Variants in ZFR2 observed in about 807,000 individuals in gnomAD.
ZFR2 encodes zinc finger RNA-binding protein 2.
ZFR2 carries 104 observed loss-of-function variants against 105.7 expected under a neutral mutation model. The observed-to-expected ratio is 0.98, with a 90% CI of 0.84 to 1.16. ZFR2 has a LOEUF of 1.16. ZFR2 is among the 50% of genes most tolerant of loss of function. The probability of loss-of-function intolerance (pLI) is 0.00; values close to 1 mark genes in which losing one functional copy is unlikely to be tolerated. For synonymous variants in ZFR2, 634 were observed against 597.7 expected, an observed-to-expected ratio of 1.06 and a Z score of -0.89; for missense variants, 1,425 against 1,355.5, an observed-to-expected ratio of 1.05 and a Z score of -0.80.
chr19:3,825,365 G>A lies in ZFR2; in HGVS notation c.1078C>T (p.Leu360Phe), dbSNP rs1451580893. Residue 360 changes from leucine to phenylalanine, a missense_variant, in exon 7 of 19, where the codon CTC (leucine) becomes TTC (phenylalanine). By Grantham distance (22) the Leu-to-Phe change is conservative. Transcript: ENST00000262961. Reference protein sequence around the residue: ...HAKLGKPIPTLEPALATESPP... With the variant: ...HAKLGKPIPTFEPALATESPP... ...CTCTCTGTGGCCAGTGCAGGCTCGA[G>A]GGTGGGAATGGGCTTCCCCAGTTTG... The A allele has an allele frequency of 6.3e-7, 1 of 1,590,006 alleles. No homozygotes were observed. Among genetic ancestry groups the A allele is most frequent in the East Asian group, 2.3e-5 (1 of 43,710 alleles).
At chr19:3,821,989 C>CA in intron 9 of ZFR2, 92 bp downstream of exon 9, 1 of 1,475,010 alleles carries the variant, frequency 6.8e-7, no homozygotes, top group Non-Finnish European at 9.0e-7. Flanking sequence ...TCGGATCACA[C>CA]GCGCGGAAGA....
chr19:3,863,807 TG>T (rs1294906255), intron 1 of ZFR2, among the ~76,000 whole-genome samples: 2 of 152,186 alleles, frequency 1.3e-5, no homozygotes, highest in African/African-American at 4.8e-5. Flanking sequence ...GGCACTGGCC[TG>T]GGCCCATTCC....
chr19:3,842,858 C>A (rs760971070), intron 1 of ZFR2, among the ~76,000 whole-genome samples: 1 of 152,118 alleles, frequency 6.6e-6, no homozygotes, highest in Non-Finnish European at 1.5e-5. Flanking sequence ...CTCCTGACTG[C>A]AGGTGCTCCA....
intron 8 of ZFR2, among the ~76,000 whole-genome samples, chr19:3,822,982 G>A (rs760196005): frequency 7.2e-5 from 11 of 152,194 alleles, no homozygotes; most frequent in South Asian, 2.1e-4. Flanking sequence ...AGACGGCTCC[G>A]CAGGGTCCCC....
chr19:3,821,604 CTTTTTTTT>C (rs56275505), intron 9 of ZFR2, 125 bp from the exon 10 acceptor site: 25,085 of 246,470 alleles, frequency 0.1, 14 homozygotes, highest in East Asian at 0.16. Flanking sequence ...CTCCCAAAGC[CTTTTTTTT>C]TTTTTTTTTT....
chr19:3,831,874 G>A lies in ZFR2; in HGVS notation c.384C>T (p.Thr128=), dbSNP rs753953696. ...GGCTGGGCTGCCCGCAGGCTTCTTG[G>A]GTCCCTAGGGGACAGGGACAGGCCC... ...MTAADSGQPG[T]QEACGQPSPH... is the part of the protein sequence containing the mutation. The change falls in exon 4 of 19, where the codon ACC becomes ACT. Residue 128 remains threonine, a synonymous_variant. Transcript: ENST00000262961. The A allele has an allele frequency of 3.8e-5, 60 of 1,568,656 alleles. 1 individual carries two copies. The South Asian group carries it at 6.6e-4, about 17-fold the overall frequency.
At chr19:3,810,459 G>A (rs1053188168) in intron 16 of ZFR2, among the ~76,000 whole-genome samples, 3 of 152,222 alleles carry the variant, frequency 2.0e-5, no homozygotes, top group Admixed American at 6.5e-5. Flanking sequence ...CCTCTGCCTG[G>A]GCCCCTCTGC....
At chr19:3,821,225 C>T in intron 10 of ZFR2, 115 bp downstream of exon 10, 3 of 1,363,626 alleles carry the variant, frequency 2.2e-6, no homozygotes, top group Non-Finnish European at 2.9e-6. Context: ...TCTCCCCCCA[C>T]TGCTCGAGAG....
chr19:3,821,298 C>T, intron 10 of ZFR2, 42 bp downstream of exon 10: 1 of 1,524,182 alleles, frequency 6.6e-7, no homozygotes. Context: ...TGGACCTGCC[C>T]TCCCTCACCA....
At position 3,838,842 on chromosome 19, in the gene ZFR2, G is replaced by C. The variant is rs902195337; in HGVS notation, c.54-3859C>G. On this transcript the variant is annotated intron_variant, in intron 1 of 18. Transcript: ENST00000262961. The surrounding 1 kb of genome is among the most constrained non-coding windows in gnomAD (Gnocchi z 4.9). The stretch of plus-strand genomic sequence containing the variant: ...CACAGGCCGTCTCCTCCCTGGTCCC[G>C]ATGCCCTGAGATGCAGGACCAGCTG... 6.6e-6 allele frequency among the ~76,000 whole-genome samples: 1 copy of C among 152,104 alleles called. No homozygotes were observed. The highest frequency in any genetic ancestry group is 2.4e-5 in the African/African-American group (1 of 41,418).
rs375579728 is a variant in ZFR2 at position 3,821,333 on chromosome 19, C to A, written c.1631+7G>T. Reference sequence around the variant, plus strand: ...AGGCCCCCTTGCCAAGACCCGCAGCCGGGCACCTCCTCTCCGCGTGCCAGC... The same window carrying A: ...AGGCCCCCTTGCCAAGACCCGCAGCAGGGCACCTCCTCTCCGCGTGCCAGC... On this transcript the variant is annotated splice_region_variant and intron_variant, in intron 10 of 18. Transcript: ENST00000262961. 2.5e-6 allele frequency: 4 copies of A among 1,580,694 alleles called. No homozygotes were observed. Among genetic ancestry groups the A allele is most frequent in the Non-Finnish European group, 3.4e-6 (4 of 1,167,092 alleles).
rs778315156 is a variant in ZFR2, at chr19:3,821,411, C to T, written c.1560G>A (p.Glu520=). ...CCAGGTGCCGCTGCTTCCTCATGCGCTCCTCCAGGACCTTCCGAGCCCGGC... is the reference window on the plus strand; with the variant it reads ...CCAGGTGCCGCTGCTTCCTCATGCGTTCCTCCAGGACCTTCCGAGCCCGGC... ...PSSRARKVLE[E]RMRKQRHLAE... The change falls in exon 10 of 19, where the codon GAG becomes GAA. Residue 520 remains glutamate (E), a synonymous_variant. Transcript: ENST00000262961. The T allele has an allele frequency of 9.3e-6, 15 of 1,612,108 alleles. No homozygotes were observed. Among genetic ancestry groups the T allele is most frequent in the Middle Eastern group, 3.4e-4 (2 of 5,926 alleles).
rs1568421902 is a variant in ZFR2, at chr19:3,823,195, G to A, written c.1371+51C>T. ...GGTGAGGTCTCGAAGCCTGATCCATGGGAAGGTCCTTCCCTGACCGGGGCA... is the reference window on the plus strand; with the variant it reads ...GGTGAGGTCTCGAAGCCTGATCCATAGGAAGGTCCTTCCCTGACCGGGGCA... On this transcript the variant is annotated intron_variant, in intron 8 of 18. Transcript: ENST00000262961. The surrounding 1 kb of genome is among the most constrained non-coding windows in gnomAD (Gnocchi z 5.4). 6 of 1,611,882 alleles carry A rather than the reference G, an allele frequency of 3.7e-6. No individual in the cohort carries two copies. The highest frequency in any genetic ancestry group is 1.7e-5 in the Admixed American group (1 of 59,936).
intron 1 of ZFR2, among the ~76,000 whole-genome samples, chr19:3,850,900 CAAAAAAAAAAAAA>C (rs59933286): frequency 1.1e-5 from 1 of 92,500 alleles, no homozygotes; most frequent in Non-Finnish European, 2.0e-5. Context: ...GCAGTCTTTT[CAAAAAAAAAAAAA>C]AAAAAAAAAA....
chr19:3,827,309 TGAG>T (rs1301021582), intron 6 of ZFR2, among the ~76,000 whole-genome samples, 159 bp downstream of exon 6: 1 of 152,226 alleles, frequency 6.6e-6, no homozygotes, highest in Admixed American at 6.5e-5. Flanking sequence ...TCCTTGAAGA[TGAG>T]GACGCATGGG....
At chr19:3,809,811 G>A (rs2037742044) in intron 16 of ZFR2, among the ~76,000 whole-genome samples, 1 of 152,138 alleles carries the variant, frequency 6.6e-6, no homozygotes, top group Admixed American at 6.6e-5. Context: ...AGGCGTGGTG[G>A]TGCGTGCCTG....
rs35786970 is a variant in ZFR2 at position 3,835,490 on chromosome 19, C to CT, written c.54-508dup. Among the ~76,000 whole-genome samples, 558 of 143,650 alleles carry CT rather than the reference C, an allele frequency of 3.9e-3. 11 individuals are homozygous for CT. Among genetic ancestry groups the CT allele is most frequent in the South Asian group, 0.026 (118 of 4,464 alleles). The allele number at this position is 143,650 out of a possible 152,430, so 94.2% of individuals were successfully genotyped here. A position where few individuals can be genotyped will look rare whatever the true frequency, so the allele number is the denominator to read the frequency against. The stretch of plus-strand genomic sequence containing the variant: ...ACAGGCGCCCACCACCACGCCCAGC[C>CT]TTTTTTTTTTTTTTTTGTATTTTTA... On this transcript the variant is annotated intron_variant, in intron 1 of 18. Coordinates refer to ENST00000262961, the MANE Select transcript of ZFR2 (RefSeq NM_015174.2).
intron 10 of ZFR2, 138 bp downstream of exon 10, chr19:3,821,202 G>T: frequency 5.6e-6 from 7 of 1,241,560 alleles, no homozygotes; most frequent in Non-Finnish European, 6.4e-6. Context: ...CGTGCCCACT[G>T]CCCGGGCACC....
intron 1 of ZFR2, among the ~76,000 whole-genome samples, chr19:3,865,805 C>A (rs574338522): frequency 6.6e-6 from 1 of 152,154 alleles, no homozygotes; most frequent in East Asian, 1.9e-4. Flanking sequence ...TCTGGTATCT[C>A]ATCAGTTTTC....
Sources: allele counts gnomAD v4.1 joint callset (sites outside exome capture counted in the v4.1 genomes callset), GRCh38; gene constraint gnomAD v4.1.1; non-coding constraint Gnocchi (gnomAD v3.1); transcripts MANE v1.5; gene names NCBI Gene and HGNC (gene_info 2026-07-23, HGNC 2026-07-21).